Variants in SETX observed in about 807,000 individuals in gnomAD.
The protein encoded by SETX is senataxin, also known as helicase senataxin.
SETX carries 90 observed loss-of-function variants against 227.2 expected under a neutral mutation model. The ratio of observed to expected loss-of-function variants is 0.40; its 90% CI spans 0.33 to 0.47. The LOEUF (loss-of-function observed/expected upper bound fraction) is 0.47. Ranked by LOEUF, SETX falls within the 20% of genes least tolerant of loss-of-function variation. The pLI, the probability that SETX is intolerant of heterozygous loss-of-function variation, is 0.91. For missense variants in SETX, 3,052 were observed against 3,181.5 expected, an observed-to-expected ratio of 0.96 and a Z score of 0.98; for synonymous variants, 1,210 against 1,113.2, an observed-to-expected ratio of 1.09 and a Z score of -1.73.
Position 132,328,302 on chromosome 9 carries a change from T to C in SETX, c.3296A>G (p.Asp1099Gly). The C allele has an allele frequency of 2.5e-6, 4 of 1,614,062 alleles. No individual in the cohort carries two copies. The highest frequency in any genetic ancestry group is 3.4e-6 in the Non-Finnish European group (4 of 1,180,008). Residue 1099 changes from aspartate to glycine, a missense_variant, in exon 10 of 26, where the codon GAT becomes GGT. Transcript: ENST00000224140. ...VFSVWQDHPD[D>G]NNSVQDGEKK... is the part of the protein sequence containing the mutation. ...CTCACCATCTTGAACTGAATTATTA[T>C]CGTCTGGATGATCTTGCCAAACTGA... is the stretch of plus-strand genomic sequence containing the variant.
Position 132,334,697 on chromosome 9 carries a change from T to C in SETX, c.749A>G (p.Glu250Gly), listed in dbSNP as rs1277414382. The C allele has an allele frequency of 6.2e-7, 1 of 1,614,000 alleles. No homozygotes were observed. Among genetic ancestry groups the C allele is most frequent in the Non-Finnish European group, 8.5e-7 (1 of 1,179,984 alleles). ...CAACAACAGGGAATCCATGGCTTGT[T>C]CCTCAAGAATGGTCAGCAACATGCA... ...GICMLLTILE[E>G]QAMDSLLLGS... is the part of the protein sequence containing the mutation. Residue 250 changes from glutamate (E) to glycine (G), a missense_variant, in exon 7 of 26, where the codon GAA (glutamate) becomes GGA (glycine). Physicochemically the swap from Glu to Gly is moderately conservative, Grantham distance 98 (BLOSUM62 -2). Transcript: ENST00000224140.
chr9:132,286,517 CAATT>C, intron 17 of SETX, 23 bp from the exon 18 acceptor site: 1 of 1,555,016 alleles, frequency 6.4e-7, no homozygotes, highest in Non-Finnish European at 8.9e-7. Flanking sequence ...TCAAATGTCA[CAATT>C]AAAACTAAAC....
Position 132,261,851 on chromosome 9 carries a change from A to C in SETX, c.*2388T>G, listed in dbSNP as rs1046721158. The C allele has an allele frequency of 2.6e-5, 4 of 154,666 alleles. No homozygotes were observed. Among genetic ancestry groups the C allele is most frequent in the African/African-American group, 9.6e-5 (4 of 41,550 alleles). 9.6% of individuals were successfully genotyped at this position (154,666 alleles called of 1,614,324 possible). ...GAAATAACTAATATTGAAAGAAGAC[A>C]GGGAACTTTCTTTTAATGCCATGGC... is the stretch of plus-strand genomic sequence containing the variant. On this transcript the variant is annotated 3_prime_UTR_variant, in exon 26 of 26. Coordinates refer to ENST00000224140, the MANE Select transcript of SETX (RefSeq NM_015046.7).
At chr9:132,349,115 C>CA (rs1848468033) in intron 3 of SETX, 137 bp downstream of exon 3, 1 of 892,228 alleles carries the variant, frequency 1.1e-6, no homozygotes, top group South Asian at 1.5e-5. Context: ...ACAACAAAAA[C>CA]AAAACAAAAA....
chr9:132,322,994 A>G lies in SETX; in HGVS notation c.5274+3330T>C, dbSNP rs568401133. On this transcript the variant is annotated intron_variant, in intron 10 of 25. Coordinates refer to ENST00000224140, the MANE Select transcript of SETX (RefSeq NM_015046.7). Reference sequence around the variant, plus strand: ...AGGTGGCCTCCAAGAAAGGATAACAAAAAGAAAATGAGATGAAAGATAGAA... The same window carrying G: ...AGGTGGCCTCCAAGAAAGGATAACAGAAAGAAAATGAGATGAAAGATAGAA... 1.1e-4 allele frequency among the ~76,000 whole-genome samples: 16 copies of G among 152,292 alleles called. No homozygotes were observed. In the South Asian group the frequency reaches 3.3e-3, roughly 32 times the overall value.
At chr9:132,293,514 CG>C (rs1299843293) in intron 15 of SETX, among the ~76,000 whole-genome samples, 1 of 152,034 alleles carries the variant, frequency 6.6e-6, no homozygotes, top group Non-Finnish European at 1.5e-5. Context: ...CTCCACTTCC[CG>C]GGTTCAAGTG....
At chr9:132,298,805 C>T (rs1158684225) in intron 12 of SETX, among the ~76,000 whole-genome samples, 3 of 152,088 alleles carry the variant, frequency 2.0e-5, no homozygotes, top group Non-Finnish European at 2.9e-5. Flanking sequence ...GAACGCTTAG[C>T]GACTCAGAGT....
rs1784190699 is a variant in SETX at position 132,264,543 on chromosome 9, A to G, written c.7730T>C (p.Phe2577Ser). Residue 2577 changes from phenylalanine to serine, a missense_variant, in exon 26 of 26, where the codon TTC becomes TCC. Transcript: ENST00000224140. Reference sequence around the variant, plus strand: ...GCTCAGGTCCTGGTGAACGACAGGGAAGCCCGGCTCGCCCGTAGGAGGTGT... The same window carrying G: ...GCTCAGGTCCTGGTGAACGACAGGGGAGCCCGGCTCGCCCGTAGGAGGTGT... ...GATPPTGEPGFPVVHQDLSHI... is the reference protein window; with the variant it reads ...GATPPTGEPGSPVVHQDLSHI... 6.2e-7 allele frequency: 1 copy of G among 1,614,002 alleles called. No individual in the cohort carries two copies. Among genetic ancestry groups the G allele is most frequent in the Non-Finnish European group, 8.5e-7 (1 of 1,179,990 alleles).
At chr9:132,310,284 A>G (rs934108804) in intron 11 of SETX, among the ~76,000 whole-genome samples, 8 of 152,272 alleles carry the variant, frequency 5.3e-5, no homozygotes, top group Non-Finnish European at 1.0e-4. Context: ...AAGACACAGA[A>G]AAATGCAACT....
Position 132,298,165 on chromosome 9 carries a change from C to G in SETX, c.5696G>C (p.Arg1899Pro), listed in dbSNP as rs753507714. The G allele has an allele frequency of 2.5e-6, 4 of 1,613,952 alleles. No individual in the cohort carries two copies. In the Admixed American group the frequency reaches 5.0e-5, roughly 20 times the overall value. Residue 1899 changes from arginine to proline, a missense_variant, in exon 13 of 26, where the codon CGG becomes CCG. Arg to Pro is a moderately radical substitution (Grantham distance 103). Transcript: ENST00000224140. ...KLKAMSLLGS[R>P]NQLARAVLNP... Reference sequence around the variant, plus strand: ...CAGAACAGCTCTAGCCAGTTGGTTCCGACTACCCAACAGAGACATGGCTTT... The same window carrying G: ...CAGAACAGCTCTAGCCAGTTGGTTCGGACTACCCAACAGAGACATGGCTTT...
intron 10 of SETX, among the ~76,000 whole-genome samples, chr9:132,316,432 A>T (rs1306042769): frequency 6.6e-6 from 1 of 152,246 alleles, no homozygotes; most frequent in Non-Finnish European, 1.5e-5. Flanking sequence ...CACTAAAAAG[A>T]CATTAACTTT....
At chr9:132,283,063 C>T (rs536404568) in intron 19 of SETX, 2 of 645,316 alleles carry the variant, frequency 3.1e-6, no homozygotes, top group East Asian at 2.9e-5. Flanking sequence ...AAGACTAACC[C>T]CCAATACTGG....
At chr9:132,338,090 CTTTTTTTTT>C (rs71376637) in intron 5 of SETX, among the ~76,000 whole-genome samples, 3 of 126,516 alleles carry the variant, frequency 2.4e-5, no homozygotes, top group African/African-American at 3.0e-5. Context: ...GAGGAACACT[CTTTTTTTTT>C]TTTTTTTTTT....
In SETX at chr9:132,346,322, C is replaced by T. The variant is rs772450747; in HGVS notation, c.327G>A (p.Lys109=). The part of the protein sequence containing the change: ...FDITGQDFEN[K]LRVPLLEILK... ...GTATTTCAAGAAGAGGAACTCGAAG[C>T]TTATTTTCAAAGTCTTGCCCAGTGA... Residue 109 remains lysine, a synonymous_variant, in exon 4 of 26, where the codon AAG becomes AAA. Coordinates refer to ENST00000224140, the MANE Select transcript of SETX (RefSeq NM_015046.7). 2.5e-6 allele frequency: 4 copies of T among 1,613,952 alleles called. No individual in the cohort carries two copies. The highest frequency in any genetic ancestry group is 1.7e-5 in the Admixed American group (1 of 60,004).
At chr9:132,355,143 G>A (rs1848846724), upstream of SETX, among the ~76,000 whole-genome samples, 1 of 152,088 alleles carries the variant, frequency 6.6e-6, no homozygotes, top group South Asian at 2.1e-4. Context: ...GCGGTGCACC[G>A]CCCACGCCGG....
chr9:132,312,094 T>G (rs1432047173), intron 10 of SETX, among the ~76,000 whole-genome samples: 1 of 152,254 alleles, frequency 6.6e-6, no homozygotes, highest in Non-Finnish European at 1.5e-5. Flanking sequence ...ATAAAAATTC[T>G]GTTCTTCAAA....
chr9:132,271,448 C>T (rs1842899224), intron 24 of SETX, among the ~76,000 whole-genome samples: 4 of 152,118 alleles, frequency 2.6e-5, no homozygotes, highest in Admixed American at 2.6e-4. Context: ...GCCTGTAGTC[C>T]CAGCTACTCG....
At chr9:132,333,792 A>C (rs754657445) in intron 7 of SETX, among the ~76,000 whole-genome samples, 5 of 152,206 alleles carry the variant, frequency 3.3e-5, no homozygotes, top group Non-Finnish European at 7.3e-5. Flanking sequence ...GTGATGATGG[A>C]AATCTTCTGT....
chr9:132,293,562 CAG>C (rs1442140216), intron 15 of SETX, among the ~76,000 whole-genome samples: 1 of 152,084 alleles, frequency 6.6e-6, no homozygotes, highest in African/African-American at 2.4e-5. Context: ...GCTGAGATTA[CAG>C]ACCCGTGCCA....
Sources: gnomAD v4.1 joint callset for allele counts (sites outside exome capture counted in the v4.1 genomes callset) on GRCh38, gnomAD v4.1.1 for gene constraint, MANE v1.5 for transcripts, NCBI Gene and HGNC (gene_info 2026-07-23, HGNC 2026-07-21) for gene names.